The following TAFA1 variants were observed in gnomAD, a reference collection of about 807,000 sequenced individuals.
TAFA1 encodes TAFA chemokine like family member 1.
In TAFA1, 4 loss-of-function variants were observed where a neutral mutation model predicts 18.5. That is an observed-to-expected ratio of 0.22 (90% CI 0.11 to 0.49). The LOEUF (loss-of-function observed/expected upper bound fraction) is 0.49, where lower values mean the gene tolerates loss of function less well. Among genes scored for constraint, TAFA1 ranks in the 20% least tolerant of loss-of-function variants. TAFA1 has a pLI of 0.98. For missense variants in TAFA1, 147 were observed against 169.0 expected (o/e 0.87, Z 0.72); for synonymous variants, 56 against 55.2 (o/e 1.01, Z -0.06).
chr3:68,037,569 G>A (rs537493613), intron 2 of TAFA1, among the ~76,000 whole-genome samples: 1 of 152,212 alleles, frequency 6.6e-6, no homozygotes, highest in African/African-American at 2.4e-5. Flanking sequence ...AATAAAGTAG[G>A]CAATCCATTT....
At chr3:68,078,860 T>G (rs28796616) in intron 2 of TAFA1, among the ~76,000 whole-genome samples, 1 of 152,228 alleles carries the variant, frequency 6.6e-6, no homozygotes, top group South Asian at 2.1e-4. Context: ...CTTTTTCTAT[T>G]GATTGGAATA....
chr3:68,429,308 A>G (rs1398158199), intron 3 of TAFA1, among the ~76,000 whole-genome samples: 6 of 151,818 alleles, frequency 4.0e-5, no homozygotes, highest in African/African-American at 1.5e-4. Context: ...TGTGTGCCAG[A>G]CTCTGTGTAT....
At chr3:68,228,380 T>C (rs2066829321) in intron 2 of TAFA1, among the ~76,000 whole-genome samples, 1 of 152,198 alleles carries the variant, frequency 6.6e-6, no homozygotes, top group Non-Finnish European at 1.5e-5. Flanking sequence ...GCTTCCCAAG[T>C]AGCTAGGACT....
chr3:68,113,888 GTTTTTTTTGTTTT>G (rs1443407152), intron 2 of TAFA1, among the ~76,000 whole-genome samples: 16 of 57,862 alleles, frequency 2.8e-4, no homozygotes, highest in Admixed American at 8.6e-4. Context: ...TTGGGGTGTA[GTTTTTTTTGTTTT>G]TTTTTTTTTT....
At chr3:68,082,575 A>G (rs1204424862) in intron 2 of TAFA1, among the ~76,000 whole-genome samples, 1 of 152,200 alleles carries the variant, frequency 6.6e-6, no homozygotes, top group Non-Finnish European at 1.5e-5. Flanking sequence ...TAGTACTTAA[A>G]TTATTTTGGT....
chr3:68,045,273 A>C (rs1467612757), intron 2 of TAFA1, among the ~76,000 whole-genome samples: 1 of 152,194 alleles, frequency 6.6e-6, no homozygotes, highest in East Asian at 1.9e-4. Context: ...AAACTGGCAC[A>C]ATGTACCTAT....
At chr3:68,243,088 T>C (rs2067022204) in intron 2 of TAFA1, among the ~76,000 whole-genome samples, 1 of 151,998 alleles carries the variant, frequency 6.6e-6, no homozygotes, top group South Asian at 2.1e-4. Flanking sequence ...ATTTTTTTTT[T>C]CGAGACAAGG....
intron 2 of TAFA1, among the ~76,000 whole-genome samples, chr3:68,387,956 A>G (rs1395231861): frequency 2.0e-5 from 3 of 152,172 alleles, no homozygotes; most frequent in African/African-American, 4.8e-5. Flanking sequence ...CTAATTCCTG[A>G]GATTCAAAGT....
chr3:68,273,458 C>G (rs1442621215), intron 2 of TAFA1, among the ~76,000 whole-genome samples: 2 of 152,174 alleles, frequency 1.3e-5, no homozygotes, highest in African/African-American at 4.8e-5. Context: ...ATCCTCATAA[C>G]CCCATATGCT....
intron 2 of TAFA1, among the ~76,000 whole-genome samples, chr3:68,400,189 G>T (rs765486828): frequency 6.6e-6 from 1 of 152,140 alleles, no homozygotes; most frequent in South Asian, 2.1e-4. Context: ...TGGGGTAGGG[G>T]TGGTCACTCT....
intron 2 of TAFA1, among the ~76,000 whole-genome samples, chr3:68,303,115 T>C (rs1351549050): frequency 6.6e-6 from 1 of 152,158 alleles, no homozygotes; most frequent in Non-Finnish European, 1.5e-5. Context: ...ATCAGCATTA[T>C]TGTGAGAAAT....
chr3:68,123,736 A>C (rs911926807), intron 2 of TAFA1, among the ~76,000 whole-genome samples: 1 of 152,024 alleles, frequency 6.6e-6, no homozygotes, highest in Admixed American at 6.6e-5. Context: ...GTGATTGTTC[A>C]CCTGAAATTT....
chr3:68,011,773 A>T (rs1368826762), intron 2 of TAFA1, among the ~76,000 whole-genome samples: 1 of 152,192 alleles, frequency 6.6e-6, no homozygotes, highest in East Asian at 1.9e-4. Flanking sequence ...GTGCTTAGTG[A>T]TAATCCATCG....
At chr3:68,336,867 G>A (rs1973357) in intron 2 of TAFA1, among the ~76,000 whole-genome samples, 57,099 of 151,886 alleles carry the variant, frequency 0.38, 10,948 homozygotes, top group South Asian at 0.48. Flanking sequence ...GGGATTACAG[G>A]CATGCACTAC....
intron 2 of TAFA1, among the ~76,000 whole-genome samples, chr3:68,243,679 GT>G (rs1012709344): frequency 2.0e-5 from 3 of 152,214 alleles, no homozygotes; most frequent in African/African-American, 7.2e-5. Context: ...ATGGACCACA[GT>G]TTGATTAGCC....
chr3:68,426,224 G>A (rs2071050466), intron 3 of TAFA1, among the ~76,000 whole-genome samples: 1 of 151,748 alleles, frequency 6.6e-6, no homozygotes, highest in South Asian at 2.1e-4. Context: ...AAATGTATCT[G>A]TATAAACCTA....
intron 2 of TAFA1, among the ~76,000 whole-genome samples, chr3:68,295,944 A>G: frequency 6.6e-6 from 1 of 152,212 alleles, no homozygotes; most frequent in African/African-American, 2.4e-5. Flanking sequence ...ACAGAAAGAT[A>G]TGTATTATTT....
intron 3 of TAFA1, among the ~76,000 whole-genome samples, chr3:68,519,361 A>G (rs1250117523): frequency 6.6e-6 from 1 of 152,246 alleles, no homozygotes; most frequent in Non-Finnish European, 1.5e-5. Flanking sequence ...TGGACTTCCC[A>G]GCCTCCAGAA....
At chr3:68,287,876 A>G (rs1377755191) in intron 2 of TAFA1, among the ~76,000 whole-genome samples, 2 of 116,358 alleles carry the variant, frequency 1.7e-5, no homozygotes, top group Admixed American at 2.6e-4. Flanking sequence ...CTTACTTCTC[A>G]GGTCTGGAGG....
Sources: allele counts gnomAD v4.1 joint callset (sites outside exome capture counted in the v4.1 genomes callset), GRCh38; gene constraint gnomAD v4.1.1; transcripts MANE v1.5; gene names NCBI Gene and HGNC (gene_info 2026-07-23, HGNC 2026-07-21).